Variants in CPQ observed in about 807,000 individuals in gnomAD.
CPQ encodes carboxypeptidase Q.
Under a neutral mutation model 45.7 loss-of-function variants are expected in CPQ, and 37 were observed. The observed-to-expected ratio is 0.81, with a 90% CI of 0.62 to 1.07. The LOEUF (loss-of-function observed/expected upper bound fraction) is 1.07. Among genes scored for constraint, CPQ ranks in the 50% least tolerant of loss-of-function variants. The probability of loss-of-function intolerance (pLI) is 0.00; values close to 1 mark genes in which losing one functional copy is unlikely to be tolerated. For synonymous variants in CPQ, 186 were observed against 205.8 expected (o/e 0.90, Z 0.82); for missense variants, 537 against 572.9 (o/e 0.94, Z 0.64).
At chr8:96,965,611 C>G (rs1249159769) in intron 4 of CPQ, among the ~76,000 whole-genome samples, 2 of 152,036 alleles carry the variant, frequency 1.3e-5, no homozygotes, top group African/African-American at 4.8e-5. Context: ...CCTCGTGATC[C>G]ACCCGCCTCG....
intron 4 of CPQ, among the ~76,000 whole-genome samples, chr8:96,929,379 G>T (rs1586455979): frequency 1.3e-5 from 2 of 152,172 alleles, no homozygotes; most frequent in East Asian, 3.8e-4. Context: ...TTTTAGCAGT[G>T]TCCTATTGTA....
chr8:96,957,534 G>A (rs1242128121), intron 4 of CPQ, among the ~76,000 whole-genome samples: 1 of 152,078 alleles, frequency 6.6e-6, no homozygotes, highest in Admixed American at 6.6e-5. Flanking sequence ...CAGGTACAGT[G>A]GCTCATGCCT....
intron 1 of CPQ, among the ~76,000 whole-genome samples, chr8:96,678,292 C>T (rs989499568): frequency 1.3e-5 from 2 of 152,084 alleles, no homozygotes; most frequent in African/African-American, 2.4e-5. Context: ...ATTGGTTCCA[C>T]CTATCCATGA....
chr8:97,130,420 GTTTTTTT>G (rs67911510), intron 7 of CPQ, among the ~76,000 whole-genome samples: 7 of 125,358 alleles, frequency 5.6e-5, no homozygotes, highest in African/African-American at 8.7e-5. Context: ...ATCGTCAGCT[GTTTTTTT>G]TTTTTTTTTT....
intron 6 of CPQ, chr8:97,056,309 A>C: frequency 6.6e-6 from 1 of 152,170 alleles, no homozygotes; most frequent in East Asian, 1.9e-4. Context: ...TTTATTTAAA[A>C]CCATGAGCCT....
At chr8:96,774,269 T>C (rs1810580088) in intron 1 of CPQ, among the ~76,000 whole-genome samples, 1 of 142,840 alleles carries the variant, frequency 7.0e-6, no homozygotes, top group Admixed American at 7.1e-5. Context: ...AGACTCAGTC[T>C]CAAAAAAAAA....
intron 1 of CPQ, among the ~76,000 whole-genome samples, chr8:96,736,484 A>G (rs116956073): frequency 0.026 from 3,948 of 152,314 alleles, 88 homozygotes; most frequent in Non-Finnish European, 0.037. Context: ...ATCATATTGC[A>G]TAAGTCATAG....
chr8:96,906,804 G>A (rs752581066), intron 4 of CPQ, among the ~76,000 whole-genome samples: 2 of 152,038 alleles, frequency 1.3e-5, no homozygotes, highest in Non-Finnish European at 2.9e-5. Flanking sequence ...CAAACACCCT[G>A]CTTCCTGTCA....
intron 4 of CPQ, among the ~76,000 whole-genome samples, chr8:96,908,478 A>T (rs562737016): frequency 1.3e-5 from 2 of 152,110 alleles, no homozygotes. Context: ...GGATTTAGAG[A>T]GCGACCTCCC....
chr8:97,049,111 C>A (rs966525857), intron 6 of CPQ, among the ~76,000 whole-genome samples: 32 of 152,154 alleles, frequency 2.1e-4, no homozygotes, highest in African/African-American at 7.7e-4. Flanking sequence ...ATGGAAGTGA[C>A]ATGAGTGAAG....
At chr8:96,997,074 G>C (rs1375460385) in intron 5 of CPQ, among the ~76,000 whole-genome samples, 1 of 151,828 alleles carries the variant, frequency 6.6e-6, no homozygotes, top group African/African-American at 2.4e-5. Context: ...TCTTCTGTTT[G>C]GAAAGTCTCT....
At chr8:97,017,201 C>T (rs1050732460) in intron 5 of CPQ, among the ~76,000 whole-genome samples, 5 of 152,134 alleles carry the variant, frequency 3.3e-5, no homozygotes, top group Non-Finnish European at 5.9e-5. Flanking sequence ...GCAGCTGAGT[C>T]AATGTAGAGG....
At chr8:96,818,340 A>T (rs562900985) in intron 2 of CPQ, among the ~76,000 whole-genome samples, 5 of 152,124 alleles carry the variant, frequency 3.3e-5, no homozygotes, top group Admixed American at 2.6e-4. Flanking sequence ...AACAATTACA[A>T]TAGCAATATC....
intron 1 of CPQ, among the ~76,000 whole-genome samples, chr8:96,646,085 A>C (rs1009791425): frequency 2.0e-5 from 3 of 150,766 alleles, no homozygotes; most frequent in Admixed American, 6.6e-5. Context: ...TATGAAGTGG[A>C]AGCAGTGGAG....
intron 4 of CPQ, among the ~76,000 whole-genome samples, chr8:96,918,902 T>C (rs1487227578): frequency 6.6e-6 from 1 of 152,142 alleles, no homozygotes; most frequent in African/African-American, 2.4e-5. Flanking sequence ...AAAAACTTTC[T>C]GCTTTCAACC....
chr8:97,008,741 A>G (rs1809431147), intron 5 of CPQ, among the ~76,000 whole-genome samples: 1 of 152,210 alleles, frequency 6.6e-6, no homozygotes, highest in South Asian at 2.1e-4. Context: ...GATCCATACA[A>G]CAGGAAAAGT....
At chr8:96,767,066 G>T (rs1479891818) in intron 1 of CPQ, among the ~76,000 whole-genome samples, 1 of 152,080 alleles carries the variant, frequency 6.6e-6, no homozygotes. Context: ...AGACACTGTT[G>T]TGCAGTCTGT....
chr8:96,937,956 G>A (rs1359942622), intron 4 of CPQ, among the ~76,000 whole-genome samples: 1 of 152,176 alleles, frequency 6.6e-6, no homozygotes, highest in Non-Finnish European at 1.5e-5. Context: ...TACCCAGATT[G>A]TGCATTGTTA....
At chr8:96,699,702 T>A (rs1476964480) in intron 1 of CPQ, among the ~76,000 whole-genome samples, 1 of 151,900 alleles carries the variant, frequency 6.6e-6, no homozygotes, top group African/African-American at 2.4e-5. Flanking sequence ...TCAAACAAAT[T>A]TTGAAACATA....
Sources: allele counts gnomAD v4.1 joint callset (sites outside exome capture counted in the v4.1 genomes callset), GRCh38; gene constraint gnomAD v4.1.1; transcripts MANE v1.5; gene names NCBI Gene and HGNC (gene_info 2026-07-23, HGNC 2026-07-21).